The following SLIT3 variants were observed in gnomAD, a reference collection of about 807,000 sequenced individuals.
The protein encoded by SLIT3 is slit guidance ligand 3, also known as slit homolog 3 protein.
In SLIT3, 68 loss-of-function variants were observed where a neutral mutation model predicts 184.0. The ratio of observed to expected loss-of-function variants is 0.37; its 90% CI spans 0.30 to 0.45. SLIT3 has a LOEUF of 0.45. Ranked by LOEUF, SLIT3 falls within the 20% of genes least tolerant of loss-of-function variation. The pLI is 1.00. For synonymous variants in SLIT3, 831 were observed against 828.6 expected (o/e 1.00, Z -0.05); for missense variants, 1,707 against 2,026.0 (o/e 0.84, Z 3.02).
At chr5:169,142,028 C>T (rs1465954505) in intron 4 of SLIT3, among the ~76,000 whole-genome samples, 8 of 146,990 alleles carry the variant, frequency 5.4e-5, no homozygotes, top group Non-Finnish European at 1.0e-4. Context: ...CCAGCCTGGG[C>T]GGCAGAGCGA....
At chr5:168,704,799 G>C (rs907203913) in intron 26 of SLIT3, among the ~76,000 whole-genome samples, 4 of 152,164 alleles carry the variant, frequency 2.6e-5, no homozygotes, top group Admixed American at 6.5e-5. Context: ...CCTGGAAAGA[G>C]GTAAATGCCT....
chr5:168,863,029 G>A (rs1036628454), intron 5 of SLIT3, among the ~76,000 whole-genome samples: 1 of 151,804 alleles, frequency 6.6e-6, no homozygotes, highest in African/African-American at 2.4e-5. Context: ...ATGTGGGCTG[G>A]GGGTGCAGAC....
chr5:168,964,066 G>A (rs1763104107), intron 4 of SLIT3, among the ~76,000 whole-genome samples: 1 of 152,162 alleles, frequency 6.6e-6, no homozygotes, highest in African/African-American at 2.4e-5. Context: ...AATGCAGGGG[G>A]CTACATAAAA....
At chr5:168,832,946 CAA>C (rs1757927424) in intron 6 of SLIT3, among the ~76,000 whole-genome samples, 1 of 152,144 alleles carries the variant, frequency 6.6e-6, no homozygotes, top group Admixed American at 6.5e-5. Flanking sequence ...GTAAGAAAAT[CAA>C]AGTGCTTCAA....
intron 4 of SLIT3, among the ~76,000 whole-genome samples, chr5:168,952,651 T>C (rs1320582884): frequency 7.6e-6 from 1 of 130,968 alleles, no homozygotes; most frequent in African/African-American, 3.0e-5. Context: ...AGGGCAAGGG[T>C]AGTGAGAAAA....
chr5:168,995,542 T>C (rs1755481320), intron 4 of SLIT3: 1 of 152,204 alleles, frequency 6.6e-6, no homozygotes, highest in Non-Finnish European at 1.5e-5. Flanking sequence ...TTCGTTGGTA[T>C]GAGGGGAAAA....
At chr5:168,707,771 G>C in intron 26 of SLIT3, 1 of 561,306 alleles carries the variant, frequency 1.8e-6, no homozygotes, top group East Asian at 2.9e-5. Context: ...GACCATATGG[G>C]GGCCTCTCTG....
At chr5:169,006,917 A>C (rs1020703852) in intron 4 of SLIT3, among the ~76,000 whole-genome samples, 3 of 152,128 alleles carry the variant, frequency 2.0e-5, no homozygotes, top group African/African-American at 7.2e-5. Context: ...GGCTACTCTC[A>C]TCACGCAGCC....
At chr5:169,172,990 A>G (rs755227792) in intron 4 of SLIT3, among the ~76,000 whole-genome samples, 1 of 152,158 alleles carries the variant, frequency 6.6e-6, no homozygotes, top group African/African-American at 2.4e-5. Context: ...ATTTTAAAGA[A>G]CGAGATTCAG....
chr5:168,928,795 C>T (rs1761905480), intron 4 of SLIT3, among the ~76,000 whole-genome samples: 1 of 152,136 alleles, frequency 6.6e-6, no homozygotes, highest in Non-Finnish European at 1.5e-5. Context: ...ACCTATTTCT[C>T]CCATTTTCAT....
intron 18 of SLIT3, among the ~76,000 whole-genome samples, chr5:168,751,400 G>A (rs1048767655): frequency 5.3e-5 from 8 of 152,144 alleles, no homozygotes; most frequent in Admixed American, 2.0e-4. Flanking sequence ...AAACACACAC[G>A]TGTTGAGCAC....
intron 4 of SLIT3, among the ~76,000 whole-genome samples, chr5:168,970,555 AACAGTGTATG>A (rs1754538783): frequency 6.6e-6 from 1 of 152,190 alleles, no homozygotes; most frequent in South Asian, 2.1e-4. Context: ...TCTGAACTAA[AACAGTGTATG>A]ACAGTTCCAA....
At chr5:169,170,033 T>C (rs1762767593) in intron 4 of SLIT3, among the ~76,000 whole-genome samples, 1 of 152,150 alleles carries the variant, frequency 6.6e-6, no homozygotes, top group South Asian at 2.1e-4. Context: ...AAAGGCTTCC[T>C]GGAGGGAAGC....
chr5:168,781,008 C>A (rs1755949833), intron 12 of SLIT3, among the ~76,000 whole-genome samples: 1 of 152,214 alleles, frequency 6.6e-6, no homozygotes, highest in Non-Finnish European at 1.5e-5. Context: ...CAAGTCCCAA[C>A]TAGGGGCAAC....
chr5:169,230,595 C>G (rs1764970669), intron 3 of SLIT3, among the ~76,000 whole-genome samples: 1 of 152,138 alleles, frequency 6.6e-6, no homozygotes, highest in African/African-American at 2.4e-5. Flanking sequence ...CACACCAAGG[C>G]AACTTAAACT....
chr5:168,732,338 C>A (rs2113401562), intron 20 of SLIT3, among the ~76,000 whole-genome samples: 1 of 152,090 alleles, frequency 6.6e-6, no homozygotes, highest in South Asian at 2.1e-4. Context: ...GAAAAACATC[C>A]CATGCTCATG....
At chr5:169,095,385 A>G (rs1201107409) in intron 4 of SLIT3, among the ~76,000 whole-genome samples, 2 of 152,170 alleles carry the variant, frequency 1.3e-5, no homozygotes, top group African/African-American at 4.8e-5. Flanking sequence ...TAATGAAAAA[A>G]TCCAAATCCA....
intron 6 of SLIT3, among the ~76,000 whole-genome samples, chr5:168,843,221 C>T (rs1758329909): frequency 6.6e-6 from 1 of 152,106 alleles, no homozygotes; most frequent in African/African-American, 2.4e-5. Context: ...CTCTTGGAAT[C>T]ACCTTCCTCT....
At chr5:168,669,097 C>T (rs1160549379) in intron 35 of SLIT3, among the ~76,000 whole-genome samples, 2 of 152,220 alleles carry the variant, frequency 1.3e-5, no homozygotes, top group Non-Finnish European at 2.9e-5. Context: ...TAAAGAAGCA[C>T]AGTAGCTAGC....
Sources: gnomAD v4.1 joint callset for allele counts (sites outside exome capture counted in the v4.1 genomes callset) on GRCh38, gnomAD v4.1.1 for gene constraint, MANE v1.5 for transcripts, NCBI Gene and HGNC (gene_info 2026-07-23, HGNC 2026-07-21) for gene names.